The following EVI5 variants were observed in gnomAD, a reference collection of about 807,000 sequenced individuals.
EVI5 encodes ecotropic viral integration site 5 protein homolog.
In EVI5, 73 loss-of-function variants were observed where a neutral mutation model predicts 112.0. The observed-to-expected ratio is 0.65, with a 90% CI of 0.54 to 0.79. The LOEUF (loss-of-function observed/expected upper bound fraction) is 0.79, where lower values mean the gene tolerates loss of function less well. Ranked by LOEUF, EVI5 falls within the 30% of genes least tolerant of loss-of-function variation. The probability of loss-of-function intolerance (pLI) is 0.00; values close to 1 mark genes in which losing one functional copy is unlikely to be tolerated. For synonymous variants in EVI5, 305 were observed against 319.9 expected (o/e 0.95, Z 0.50); for missense variants, 900 against 968.8 (o/e 0.93, Z 0.94).
At chr1:92,702,806 C>CAAAAAA (rs374337779) in intron 4 of EVI5, among the ~76,000 whole-genome samples, 1 of 81,260 alleles carries the variant, frequency 1.2e-5, no homozygotes, top group African/African-American at 3.6e-5. Flanking sequence ...AACTCCATCT[C>CAAAAAA]AAAAAAAAAA....
At chr1:92,589,643 G>A (rs974920319) in intron 18 of EVI5, among the ~76,000 whole-genome samples, 2 of 152,182 alleles carry the variant, frequency 1.3e-5, no homozygotes, top group Non-Finnish European at 2.9e-5. Flanking sequence ...GGAGCCCACT[G>A]CAGCTCAAGG....
intron 1 of EVI5, among the ~76,000 whole-genome samples, chr1:92,746,997 T>C (rs1679354817): frequency 6.6e-6 from 1 of 152,128 alleles, no homozygotes; most frequent in African/African-American, 2.4e-5. Context: ...GGAAAAGCTA[T>C]AGAATAATTT....
intron 2 of EVI5, among the ~76,000 whole-genome samples, chr1:92,708,006 T>C (rs888467970): frequency 6.6e-6 from 1 of 152,058 alleles, no homozygotes; most frequent in Non-Finnish European, 1.5e-5. Context: ...AAAGAGTACA[T>C]ACGATATGAT....
intron 19 of EVI5, among the ~76,000 whole-genome samples, chr1:92,557,731 T>C (rs548340950): frequency 1.7e-3 from 263 of 151,486 alleles, no homozygotes; most frequent in African/African-American, 6.1e-3. Flanking sequence ...GAAAACTTTT[T>C]TTTTTTTTCT....
intron 18 of EVI5, among the ~76,000 whole-genome samples, chr1:92,595,126 T>A (rs1381533120): frequency 6.6e-6 from 1 of 151,936 alleles, no homozygotes; most frequent in Non-Finnish European, 1.5e-5. Context: ...GTATGTTTAT[T>A]GCGGCACTAT....
intron 16 of EVI5, among the ~76,000 whole-genome samples, chr1:92,616,253 T>A (rs774674432): frequency 7.2e-5 from 11 of 152,096 alleles, no homozygotes; most frequent in Non-Finnish European, 1.6e-4. Flanking sequence ...TGAAATAGAT[T>A]TGTGAGGGCA....
At chr1:92,777,834 G>C (rs937653217) in intron 1 of EVI5, among the ~76,000 whole-genome samples, 1 of 151,820 alleles carries the variant, frequency 6.6e-6, no homozygotes, top group Non-Finnish European at 1.5e-5. Flanking sequence ...ATGACAGGGA[G>C]AATGAGACAA....
At chr1:92,522,264 C>T (rs1026621940) in intron 19 of EVI5, among the ~76,000 whole-genome samples, 5 of 152,152 alleles carry the variant, frequency 3.3e-5, no homozygotes, top group African/African-American at 4.8e-5. Flanking sequence ...ATATAAAATA[C>T]AGCATGAGTT....
At chr1:92,615,512 G>A (rs1652922749) in intron 16 of EVI5, among the ~76,000 whole-genome samples, 1 of 152,174 alleles carries the variant, frequency 6.6e-6, no homozygotes, top group African/African-American at 2.4e-5. Context: ...GGACATGTGG[G>A]AGGACCCTGA....
chr1:92,586,205 C>T (rs1672749142), intron 18 of EVI5, among the ~76,000 whole-genome samples: 1 of 152,150 alleles, frequency 6.6e-6, no homozygotes, highest in South Asian at 2.1e-4. Flanking sequence ...TGTCAGGTTT[C>T]TCCACTGTAA....
upstream of EVI5, among the ~76,000 whole-genome samples, chr1:92,787,793 AC>A (rs1685756502): frequency 6.6e-6 from 1 of 151,974 alleles, no homozygotes; most frequent in Non-Finnish European, 1.5e-5. Flanking sequence ...ACTGGTGGGT[AC>A]CAGTGGGAAG....
intron 2 of EVI5, among the ~76,000 whole-genome samples, chr1:92,705,293 T>C (rs1395122626): frequency 8.5e-5 from 13 of 152,364 alleles, no homozygotes; most frequent in African/African-American, 3.1e-4. Context: ...CTATTACTAA[T>C]ATACTAAAAT....
chr1:92,718,285 A>G (rs1424485189), intron 2 of EVI5, among the ~76,000 whole-genome samples: 2 of 152,214 alleles, frequency 1.3e-5, no homozygotes, highest in Non-Finnish European at 2.9e-5. Context: ...TTGACCACAT[A>G]GTTGGAAGTA....
At chr1:92,639,740 C>T (rs989331960) in intron 13 of EVI5, among the ~76,000 whole-genome samples, 12 of 152,156 alleles carry the variant, frequency 7.9e-5, no homozygotes, top group Non-Finnish European at 1.8e-4. Flanking sequence ...CTACCATTGA[C>T]ATTCTTCACA....
chr1:92,737,561 T>A (rs571428746), intron 1 of EVI5, among the ~76,000 whole-genome samples: 1 of 152,090 alleles, frequency 6.6e-6, no homozygotes, highest in East Asian at 1.9e-4. Flanking sequence ...AAAATGTACA[T>A]ACTGTTCAAA....
chr1:92,626,078 C>G (rs939174779), intron 14 of EVI5, 144 bp from the exon 15 acceptor site: 10 of 568,052 alleles, frequency 1.8e-5, no homozygotes, highest in Non-Finnish European at 3.1e-5. Flanking sequence ...ATGAAACTCA[C>G]CCTTTTAAAA....
At chr1:92,761,813 A>G (rs1438436630) in intron 1 of EVI5, among the ~76,000 whole-genome samples, 2 of 152,224 alleles carry the variant, frequency 1.3e-5, no homozygotes, top group African/African-American at 4.8e-5. Flanking sequence ...ATCTTATTAC[A>G]GTAGGATTTA....
chr1:92,526,756 T>C (rs1220139798), intron 19 of EVI5, among the ~76,000 whole-genome samples: 2 of 152,164 alleles, frequency 1.3e-5, no homozygotes, highest in African/African-American at 2.4e-5. Flanking sequence ...CATTTTGTAT[T>C]CTACTGTAAT....
At chr1:92,787,477 A>G (rs1017849789), upstream of EVI5, among the ~76,000 whole-genome samples, 1 of 152,238 alleles carries the variant, frequency 6.6e-6, no homozygotes, top group African/African-American at 2.4e-5. Context: ...CACGCCTATA[A>G]TCTAAACACT....
Sources: gnomAD v4.1 joint callset for allele counts (sites outside exome capture counted in the v4.1 genomes callset) on GRCh38, gnomAD v4.1.1 for gene constraint, MANE v1.5 for transcripts, NCBI Gene and HGNC (gene_info 2026-07-23, HGNC 2026-07-21) for gene names.